MSI2: variants seen among roughly 807,000 people sequenced by gnomAD.
MSI2 encodes musashi RNA binding protein 2.
In MSI2, 17 loss-of-function variants were observed where a neutral mutation model predicts 45.6. That is an observed-to-expected ratio of 0.37 (90% CI 0.26 to 0.56). The LOEUF is 0.56. Among genes scored for constraint, MSI2 ranks in the 20% least tolerant of loss-of-function variants. The pLI is 0.77. For missense variants in MSI2, 293 were observed against 444.2 expected, an observed-to-expected ratio of 0.66 and a Z score of 3.06; for synonymous variants, 156 against 158.2, an observed-to-expected ratio of 0.99 and a Z score of 0.11.
At chr17:57,450,649 T>A (rs908148796) in intron 6 of MSI2, among the ~76,000 whole-genome samples, 10 of 113,030 alleles carry the variant, frequency 8.8e-5, no homozygotes, top group Non-Finnish European at 1.6e-4. Flanking sequence ...CCAGCCTGGG[T>A]GACAGAGCAA....
chr17:57,384,020 C>T (rs1046855558), intron 5 of MSI2, among the ~76,000 whole-genome samples: 8 of 152,246 alleles, frequency 5.3e-5, no homozygotes, highest in Admixed American at 1.3e-4. Flanking sequence ...TCCAGTGAAA[C>T]TGAAAACTGA....
intron 5 of MSI2, among the ~76,000 whole-genome samples, chr17:57,332,292 G>C (rs1248920121): frequency 6.6e-6 from 1 of 152,022 alleles, no homozygotes; most frequent in African/African-American, 2.4e-5. Flanking sequence ...GTAGAGATGG[G>C]GTTTCTCCAT....
intron 5 of MSI2, among the ~76,000 whole-genome samples, chr17:57,371,557 ACACAC>A (rs2083421781): frequency 6.4e-5 from 1 of 15,616 alleles, no homozygotes; most frequent in Non-Finnish European, 1.4e-4. Context: ...GTATACACAC[ACACAC>A]ACACACACAA....
chr17:57,265,308 T>G (rs1907672706), intron 5 of MSI2: 1 of 152,180 alleles, frequency 6.6e-6, no homozygotes, highest in Non-Finnish European at 1.5e-5. Flanking sequence ...GCGAGGAGCT[T>G]GTAAATGATA....
chr17:57,578,483 G>T (rs1314558511), intron 7 of MSI2, among the ~76,000 whole-genome samples: 6 of 151,860 alleles, frequency 4.0e-5, no homozygotes, highest in Non-Finnish European at 8.8e-5. Flanking sequence ...GGACTGGGGG[G>T]GTAGGATGCA....
At chr17:57,375,164 T>C (rs2083475398) in intron 5 of MSI2, among the ~76,000 whole-genome samples, 1 of 152,096 alleles carries the variant, frequency 6.6e-6, no homozygotes, top group South Asian at 2.1e-4. Context: ...AAAATCAGAC[T>C]TATGGAAGAA....
intron 5 of MSI2, among the ~76,000 whole-genome samples, chr17:57,326,018 A>C (rs1000726506): frequency 2.0e-5 from 3 of 152,084 alleles, no homozygotes; most frequent in Non-Finnish European, 4.4e-5. Context: ...TGCCTAGTTC[A>C]GTGGGGCTCC....
intron 7 of MSI2, among the ~76,000 whole-genome samples, chr17:57,583,856 C>G (rs962260879): frequency 3.5e-4 from 54 of 152,198 alleles, no homozygotes; most frequent in African/African-American, 1.3e-3. Context: ...TAACTCAATT[C>G]TGAGGATGGG....
At chr17:57,677,234 T>C (rs1913297335) in intron 13 of MSI2, among the ~76,000 whole-genome samples, 175 bp downstream of exon 13, 1 of 152,208 alleles carries the variant, frequency 6.6e-6, no homozygotes, top group African/African-American at 2.4e-5. Context: ...GTTTAATCTC[T>C]CATCTCTTCC....
At chr17:57,532,786 A>G (rs2086848603) in intron 7 of MSI2, among the ~76,000 whole-genome samples, 1 of 152,238 alleles carries the variant, frequency 6.6e-6, no homozygotes, top group South Asian at 2.1e-4. Context: ...CGCCGCCTCC[A>G]GCTCTCTTCT....
rs1158710374 is a variant in MSI2, at chr17:57,353,977, A to G, written c.313-47402A>G. On this transcript the variant is annotated intron_variant, in intron 5 of 13. Coordinates refer to ENST00000284073, the MANE Select transcript of MSI2 (RefSeq NM_138962.4). ...AGGTATTTAACATAACAAGAGAGAA[A>G]ACATTTACGGAGAATTTTTACTGAT... Among the ~76,000 whole-genome samples the G allele has an allele frequency of 1.3e-5, 2 of 152,192 alleles. 1 individual carries two copies. The highest frequency in any genetic ancestry group is 4.8e-5 in the African/African-American group (2 of 41,432).
At chr17:57,371,154 T>C (rs2083414355) in intron 5 of MSI2, among the ~76,000 whole-genome samples, 1 of 152,190 alleles carries the variant, frequency 6.6e-6, no homozygotes, top group South Asian at 2.1e-4. Flanking sequence ...CAAATGCTCG[T>C]GACTCAAATT....
intron 5 of MSI2, among the ~76,000 whole-genome samples, chr17:57,296,660 G>GA (rs1910984830): frequency 6.6e-6 from 1 of 151,988 alleles, no homozygotes; most frequent in Non-Finnish European, 1.5e-5. Context: ...TCCTTGAACA[G>GA]AAAAAAGACA....
chr17:57,397,638 A>T (rs183725508), intron 5 of MSI2, among the ~76,000 whole-genome samples: 128 of 152,304 alleles, frequency 8.4e-4, no homozygotes, highest in South Asian at 1.9e-3. Context: ...CCTCACCAGA[A>T]TGCAAATTGT....
chr17:57,439,171 G>A (rs1352233375), intron 6 of MSI2, among the ~76,000 whole-genome samples: 1 of 152,164 alleles, frequency 6.6e-6, no homozygotes, highest in Non-Finnish European at 1.5e-5. Flanking sequence ...CATGATTTAA[G>A]GCACATTTCT....
At chr17:57,452,640 T>C (rs1486088060) in intron 6 of MSI2, among the ~76,000 whole-genome samples, 2 of 152,254 alleles carry the variant, frequency 1.3e-5, no homozygotes, top group African/African-American at 4.8e-5. Flanking sequence ...CTTGAAAAGA[T>C]TGCTCTCTAA....
At chr17:57,317,629 G>GC (rs1422501739) in intron 5 of MSI2, among the ~76,000 whole-genome samples, 8 of 149,306 alleles carry the variant, frequency 5.4e-5, no homozygotes, top group Non-Finnish European at 1.0e-4. Flanking sequence ...TCCTGCCTCA[G>GC]CCCCCCATGT....
chr17:57,674,702 G>C (rs1913092259), intron 11 of MSI2, among the ~76,000 whole-genome samples: 1 of 152,070 alleles, frequency 6.6e-6, no homozygotes, highest in African/African-American at 2.4e-5. Flanking sequence ...GTAGTGTGTT[G>C]AATGATTGTT....
At chr17:57,662,664 T>C (rs1912071011) in intron 11 of MSI2, among the ~76,000 whole-genome samples, 1 of 152,308 alleles carries the variant, frequency 6.6e-6, no homozygotes, top group South Asian at 2.1e-4. Context: ...TCTGCAACCT[T>C]AAAACAGACA....
Sources: gnomAD v4.1 joint callset for allele counts (sites outside exome capture counted in the v4.1 genomes callset) on GRCh38, gnomAD v4.1.1 for gene constraint, MANE v1.5 for transcripts, NCBI Gene and HGNC (gene_info 2026-07-23, HGNC 2026-07-21) for gene names.